LEPR: variants seen among roughly 807,000 people sequenced by gnomAD.
The protein encoded by LEPR is OB receptor.
LEPR carries 56 observed loss-of-function variants against 114.7 expected under a neutral mutation model. That is an observed-to-expected ratio of 0.49 (90% CI 0.39 to 0.61). The LOEUF is 0.61. LEPR is among the 20% of genes least tolerant of loss of function. The pLI is 0.00. For synonymous variants in LEPR, 443 were observed against 461.4 expected (o/e 0.96, Z 0.51); for missense variants, 1,202 against 1,352.9 (o/e 0.89, Z 1.75).
intron 2 of LEPR, among the ~76,000 whole-genome samples, chr1:65,455,364 G>T (rs971158690): frequency 6.6e-6 from 1 of 152,310 alleles, no homozygotes; most frequent in Non-Finnish European, 1.5e-5. Flanking sequence ...GTGCTCTGCT[G>T]TTTAGAGTTC....
intron 2 of LEPR, among the ~76,000 whole-genome samples, chr1:65,554,715 G>A (rs1166628401): frequency 1.3e-5 from 2 of 152,012 alleles, no homozygotes; most frequent in Non-Finnish European, 2.9e-5. Flanking sequence ...GGAAGTGAAC[G>A]GTTCTGTCTG....
At chr1:65,616,364 T>A (rs1657523136) in intron 15 of LEPR, 140 bp downstream of exon 15, 14 of 913,740 alleles carry the variant, frequency 1.5e-5, no homozygotes, top group Non-Finnish European at 2.2e-5. Context: ...ATTTCCTTTG[T>A]CTGGAAAAAT....
At chr1:65,463,234 A>T (rs1646968319) in intron 2 of LEPR, among the ~76,000 whole-genome samples, 1 of 152,096 alleles carries the variant, frequency 6.6e-6, no homozygotes, top group Non-Finnish European at 1.5e-5. Flanking sequence ...TTTTCCCAGC[A>T]CCATTTATTA....
At chr1:65,462,526 C>G (rs1345381682) in intron 2 of LEPR, among the ~76,000 whole-genome samples, 1 of 152,064 alleles carries the variant, frequency 6.6e-6, no homozygotes, top group Non-Finnish European at 1.5e-5. Flanking sequence ...GTAATGGGAC[C>G]ACTGGGTCAA....
chr1:65,526,017 C>A, intron 2 of LEPR: 1 of 827,200 alleles, frequency 1.2e-6, no homozygotes, highest in Non-Finnish European at 1.5e-6. Context: ...GGGTGCGACG[C>A]CGGGCGACTC....
intron 4 of LEPR, among the ~76,000 whole-genome samples, chr1:65,571,796 A>AT (rs1435921031): frequency 1.9e-5 from 2 of 106,704 alleles, no homozygotes; most frequent in Admixed American, 1.1e-4. Flanking sequence ...TCTACCAAAA[A>AT]AAAAAAAAAA....
intron 2 of LEPR, among the ~76,000 whole-genome samples, chr1:65,445,891 T>C (rs1445364722): frequency 6.6e-6 from 1 of 152,214 alleles, no homozygotes; most frequent in Non-Finnish European, 1.5e-5. Flanking sequence ...AATATGCAGA[T>C]TTAACACAAA....
At chr1:65,506,045 G>A (rs1432889165) in intron 2 of LEPR, among the ~76,000 whole-genome samples, 1 of 152,142 alleles carries the variant, frequency 6.6e-6, no homozygotes, top group East Asian at 1.9e-4. Flanking sequence ...GTAAGAGCTG[G>A]CAAACATGCT....
At chr1:65,486,970 A>G (rs1647518059) in intron 2 of LEPR, among the ~76,000 whole-genome samples, 2 of 152,150 alleles carry the variant, frequency 1.3e-5, no homozygotes, top group Admixed American at 1.3e-4. Flanking sequence ...GCTGTTATTG[A>G]AGGTTGCCTA....
At chr1:65,541,537 A>G (rs1321748883) in intron 2 of LEPR, among the ~76,000 whole-genome samples, 2 of 152,164 alleles carry the variant, frequency 1.3e-5, no homozygotes, top group Non-Finnish European at 2.9e-5. Context: ...TTAAAAAATA[A>G]TTTAAGTCTT....
intron 2 of LEPR, chr1:65,435,219 T>A: frequency 1.0e-6 from 1 of 985,456 alleles, no homozygotes; most frequent in Non-Finnish European, 1.2e-6. Context: ...CATAGATTTT[T>A]CTTACTGTCC....
intron 2 of LEPR, among the ~76,000 whole-genome samples, chr1:65,513,495 C>T (rs1649137243): frequency 1.3e-5 from 2 of 152,322 alleles, no homozygotes; most frequent in South Asian, 2.1e-4. Flanking sequence ...AAAAATAACA[C>T]AGCCATTTCA....
At position 65,425,367 on chromosome 1, in the gene LEPR, A is replaced by G; in HGVS notation, c.-32A>G. The G allele has an allele frequency of 6.2e-7, 1 of 1,604,106 alleles. No homozygotes were observed. The highest frequency in any genetic ancestry group is 8.5e-7 in the Non-Finnish European group (1 of 1,177,442). On this transcript the variant is annotated 5_prime_UTR_variant, in exon 2 of 20. Transcript: ENST00000349533. ...CTTTTCTTATGCTGGGATGTGCCTT[A>G]GAGGATTATGGGTAAGTTATCATTT...
chr1:65,585,418 C>G (rs1236991881), intron 5 of LEPR, among the ~76,000 whole-genome samples: 3 of 151,782 alleles, frequency 2.0e-5, no homozygotes, highest in Non-Finnish European at 4.4e-5. Flanking sequence ...AAAAATTGGA[C>G]CAAAAGTCAG....
chr1:65,467,318 G>A (rs574299913), intron 2 of LEPR, among the ~76,000 whole-genome samples: 158 of 152,226 alleles, frequency 1.0e-3, no homozygotes, highest in African/African-American at 3.6e-3. Context: ...GAGTTTGCTG[G>A]AGGTCCACTC....
intron 14 of LEPR, among the ~76,000 whole-genome samples, chr1:65,613,759 C>CA (rs754145031): frequency 0.072 from 2,177 of 30,088 alleles, 165 homozygotes; most frequent in Middle Eastern, 0.18. Context: ...GACTCCGTCT[C>CA]AAAAAAAAAA....
chr1:65,553,660 C>T (rs567753511), intron 2 of LEPR, among the ~76,000 whole-genome samples: 2 of 152,188 alleles, frequency 1.3e-5, no homozygotes, highest in Non-Finnish European at 2.9e-5. Context: ...TGGGTTAGAA[C>T]ATGCTTCTTT....
chr1:65,527,864 AC>A (rs1650080199), intron 2 of LEPR, among the ~76,000 whole-genome samples: 1 of 152,182 alleles, frequency 6.6e-6, no homozygotes, highest in African/African-American at 2.4e-5. Flanking sequence ...TGTTGAGTGA[AC>A]AGGGAATCGT....
chr1:65,505,267 A>G (rs1648664317), intron 2 of LEPR, among the ~76,000 whole-genome samples: 1 of 152,170 alleles, frequency 6.6e-6, no homozygotes, highest in African/African-American at 2.4e-5. Flanking sequence ...TAACTGACAA[A>G]TGTATCAAGC....
Sources: gnomAD v4.1 joint callset for allele counts (sites outside exome capture counted in the v4.1 genomes callset) on GRCh38, gnomAD v4.1.1 for gene constraint, MANE v1.5 for transcripts, NCBI Gene and HGNC (gene_info 2026-07-23, HGNC 2026-07-21) for gene names.